Variants in FOXN3 observed in about 807,000 individuals in gnomAD.
FOXN3 encodes the protein forkhead box N3.
A neutral mutation model predicts 38.4 loss-of-function variants in FOXN3; 7 were observed. That is an observed-to-expected ratio of 0.18 (90% CI 0.10 to 0.34). FOXN3 has a LOEUF of 0.34. Among genes scored for constraint, FOXN3 ranks in the 10% least tolerant of loss-of-function variants. The pLI is 1.00. For missense variants in FOXN3, 456 were observed against 613.4 expected (o/e 0.74, Z 2.71); for synonymous variants, 230 against 242.2 (o/e 0.95, Z 0.47).
intron 1 of FOXN3, among the ~76,000 whole-genome samples, chr14:89,543,229 C>T (rs1285704395): frequency 1.3e-5 from 2 of 152,198 alleles, no homozygotes; most frequent in Non-Finnish European, 2.9e-5. Context: ...TCAGTCTTCT[C>T]TGCTCCCCCT....
At chr14:89,302,589 G>A (rs910327429) in intron 3 of FOXN3, among the ~76,000 whole-genome samples, 1 of 152,148 alleles carries the variant, frequency 6.6e-6, no homozygotes, top group Admixed American at 6.5e-5. Context: ...TCTTGGTGCT[G>A]GGTCATTGGG....
At chr14:89,348,767 AT>A (rs11349206) in intron 3 of FOXN3, among the ~76,000 whole-genome samples, 8,566 of 152,240 alleles carry the variant, frequency 0.056, 851 homozygotes, top group African/African-American at 0.2. Context: ...GTTCATCTGC[AT>A]TTTTATGTCT....
At chr14:89,219,073 A>G (rs1884373284) in intron 4 of FOXN3, among the ~76,000 whole-genome samples, 1 of 152,176 alleles carries the variant, frequency 6.6e-6, no homozygotes, top group South Asian at 2.1e-4. Context: ...TTCCTGCTTA[A>G]TACTTGACAG....
At chr14:89,167,289 A>G (rs1887267786) in intron 5 of FOXN3, among the ~76,000 whole-genome samples, 1 of 152,222 alleles carries the variant, frequency 6.6e-6, no homozygotes, top group East Asian at 1.9e-4. Flanking sequence ...GCCATCTGCC[A>G]TTTTTTGTTT....
chr14:89,295,125 G>A (rs995660159), intron 3 of FOXN3, among the ~76,000 whole-genome samples: 1 of 152,132 alleles, frequency 6.6e-6, no homozygotes, highest in African/African-American at 2.4e-5. Flanking sequence ...CTGCACCCAG[G>A]AGGCTTTTTG....
chr14:89,211,767 T>TAA (rs928880571), intron 4 of FOXN3, among the ~76,000 whole-genome samples: 3 of 152,202 alleles, frequency 2.0e-5, no homozygotes, highest in African/African-American at 7.2e-5. Flanking sequence ...CTCCCCTTGC[T>TAA]AAAAGGAAGC....
At chr14:89,592,382 G>A (rs1895974836) in intron 1 of FOXN3, among the ~76,000 whole-genome samples, 1 of 151,444 alleles carries the variant, frequency 6.6e-6, no homozygotes, top group Admixed American at 6.6e-5. Context: ...TCTTCCAGTT[G>A]AAAGATCTGT....
At chr14:89,334,026 TACACACACAC>T (rs34061100) in intron 3 of FOXN3, among the ~76,000 whole-genome samples, 2 of 127,150 alleles carry the variant, frequency 1.6e-5, no homozygotes, top group African/African-American at 5.6e-5. Flanking sequence ...AAATGTGGTA[TACACACACAC>T]ACACACACAC....
At chr14:89,313,781 A>G (rs1887642879) in intron 3 of FOXN3, among the ~76,000 whole-genome samples, 1 of 152,236 alleles carries the variant, frequency 6.6e-6, no homozygotes, top group South Asian at 2.1e-4. Flanking sequence ...ATACATACAT[A>G]CAAGAGAGTA....
At chr14:89,363,169 C>G (rs1220019824) in intron 2 of FOXN3, among the ~76,000 whole-genome samples, 1 of 152,170 alleles carries the variant, frequency 6.6e-6, no homozygotes, top group East Asian at 1.9e-4. Context: ...TGGGGCCTCA[C>G]ATCCCTGCTC....
intron 5 of FOXN3, among the ~76,000 whole-genome samples, chr14:89,174,683 C>T (rs1007685401): frequency 2.0e-5 from 3 of 152,112 alleles, no homozygotes; most frequent in Non-Finnish European, 4.4e-5. Flanking sequence ...GTTTGCTGGT[C>T]GTTGTTTAAA....
chr14:89,353,650 G>A (rs1277630287), intron 2 of FOXN3: 1 of 152,224 alleles, frequency 6.6e-6, no homozygotes, highest in African/African-American at 2.4e-5. Flanking sequence ...GCTGCTGAAA[G>A]TCTTTTGCCC....
chr14:89,417,957 A>C (rs1233299423), upstream of FOXN3, among the ~76,000 whole-genome samples: 1 of 152,220 alleles, frequency 6.6e-6, no homozygotes, highest in Non-Finnish European at 1.5e-5. Context: ...AACAGGTCTC[A>C]TTTCCATCTC....
intron 2 of FOXN3, among the ~76,000 whole-genome samples, chr14:89,371,245 T>TGG (rs1371157055): frequency 5.9e-5 from 9 of 151,950 alleles, no homozygotes; most frequent in African/African-American, 2.2e-4. Context: ...GGGAGGAAGG[T>TGG]GGGGGCTCTT....
At chr14:89,529,374 A>T (rs2139833467) in intron 1 of FOXN3, among the ~76,000 whole-genome samples, 1 of 152,324 alleles carries the variant, frequency 6.6e-6, no homozygotes, top group Admixed American at 6.5e-5. Flanking sequence ...AAGTATAAAA[A>T]CATTTTAGCC....
intron 1 of FOXN3, among the ~76,000 whole-genome samples, chr14:89,453,938 G>A (rs1892669549): frequency 6.6e-6 from 1 of 152,156 alleles, no homozygotes. Context: ...GGGGCTTCTG[G>A]GAGATAATTA....
chr14:89,523,760 CCTTT>C (rs767650668), intron 1 of FOXN3, among the ~76,000 whole-genome samples: 51 of 132,464 alleles, frequency 3.9e-4, no homozygotes, highest in Non-Finnish European at 6.7e-4. Context: ...TGAATTTCTT[CCTTT>C]CTTTATGTTT....
At chr14:89,507,783 T>TAAAAAAAA (rs1566679711) in intron 1 of FOXN3, among the ~76,000 whole-genome samples, 1 of 147,316 alleles carries the variant, frequency 6.8e-6, no homozygotes. Context: ...TCACACTCAT[T>TAAAAAAAA]AAAAAAAGAA....
intron 3 of FOXN3, among the ~76,000 whole-genome samples, chr14:89,324,461 TG>T (rs1186457092): frequency 6.7e-4 from 102 of 151,544 alleles, no homozygotes; most frequent in Non-Finnish European, 1.2e-3. Flanking sequence ...TGTGTGTGTG[TG>T]TGTGTGTGTG....
Sources: allele counts gnomAD v4.1 joint callset (sites outside exome capture counted in the v4.1 genomes callset), GRCh38; gene constraint gnomAD v4.1.1; transcripts MANE v1.5; gene names NCBI Gene and HGNC (gene_info 2026-07-23, HGNC 2026-07-21).